CDYL: variants seen among roughly 807,000 people sequenced by gnomAD.
CDYL encodes chromodomain Y-like protein.
Under a neutral mutation model 47.3 loss-of-function variants are expected in CDYL, and 8 were observed. The observed-to-expected ratio is 0.17, with a 90% CI of 0.10 to 0.31. The LOEUF (loss-of-function observed/expected upper bound fraction) is 0.31, where lower values mean the gene tolerates loss of function less well. Ranked by LOEUF, CDYL falls within the 10% of genes least tolerant of loss-of-function variation. The pLI is 1.00. For missense variants in CDYL, 471 were observed against 701.4 expected, an observed-to-expected ratio of 0.67 and a Z score of 3.71; for synonymous variants, 266 against 265.0, an observed-to-expected ratio of 1.00 and a Z score of -0.04.
At chr6:4,773,133 G>T (rs1196421058), upstream of CDYL, 1 of 457,280 alleles carries the variant, frequency 2.2e-6, no homozygotes, top group African/African-American at 2.0e-5. This position sits in a 1 kb window ranked among gnomAD's most constrained non-coding sequence, Gnocchi z 4.6. Context: ...GATTTGAGGA[G>T]GAGAGAATTG....
intron 1 of CDYL, among the ~76,000 whole-genome samples, chr6:4,865,089 C>T (rs1422719843): frequency 6.6e-6 from 1 of 152,158 alleles, no homozygotes; most frequent in African/African-American, 2.4e-5. Flanking sequence ...ACTTTCCTGC[C>T]AGTTCTAATC....
rs4053260 is a variant in CDYL at position 4,756,580 on chromosome 6, A to ATGTGTGTGTGTGTG, written c.186+21758_186+21771dup. On this transcript the variant is annotated intron_variant, in intron 3 of 8. Coordinates refer to the CDYL transcript ENST00000328908. ...TGTAGTAATTAAAATTATCGTGTGTATGTGTGTGTGTGTGTGTGTGTGTGT... is the reference window on the plus strand; with the variant it reads ...TGTAGTAATTAAAATTATCGTGTGTATGTGTGTGTGTGTGTGTGTGTGTGTGTGTGTGTGTGTGT... Among the ~76,000 whole-genome samples, 184 of 142,918 alleles carry ATGTGTGTGTGTGTG rather than the reference A, an allele frequency of 1.3e-3. 3 individuals carry two copies. Among genetic ancestry groups the ATGTGTGTGTGTGTG allele is most frequent in the African/African-American group, 4.2e-3 (166 of 39,712 alleles). 93.8% of individuals were successfully genotyped at this position (142,918 alleles called of 152,430 possible). A position where few individuals can be genotyped will look rare whatever the true frequency, so the allele number is the denominator to read the frequency against.
chr6:4,891,586 G>T, intron 1 of CDYL, 127 bp from the exon 2 acceptor site: 1 of 711,742 alleles, frequency 1.4e-6, no homozygotes, highest in South Asian at 2.0e-5. Flanking sequence ...ATTTTATTGA[G>T]GTTGCAGAAG....
At chr6:4,731,768 C>T (rs1757609553) in intron 2 of CDYL, among the ~76,000 whole-genome samples, 2 of 151,778 alleles carry the variant, frequency 1.3e-5, no homozygotes, top group Non-Finnish European at 2.9e-5. Flanking sequence ...TTGCAGTGAG[C>T]CAACATCGCA....
intron 3 of CDYL, among the ~76,000 whole-genome samples, chr6:4,753,163 C>T (rs2127420529): frequency 6.6e-6 from 1 of 152,272 alleles, no homozygotes; most frequent in Non-Finnish European, 1.5e-5. Flanking sequence ...CTGCCCGCCT[C>T]TGCCTCCAAA....
At position 4,780,397 on chromosome 6, in the gene CDYL, C is replaced by T. The variant is rs796233820; in HGVS notation, c.24+3590C>T. On this transcript the variant is annotated intron_variant, in intron 1 of 6. Coordinates refer to ENST00000397588, the MANE Select transcript of CDYL (RefSeq NM_004824.4). Reference sequence around the variant, plus strand: ...TACAGACGTGCACCACCCCCGCCTACGCCCCCCCCCCCCCGCCCCCGCCCC... The same window carrying T: ...TACAGACGTGCACCACCCCCGCCTATGCCCCCCCCCCCCCGCCCCCGCCCC... Among the ~76,000 whole-genome samples, 38 of 28,004 alleles carry T rather than the reference C, an allele frequency of 1.4e-3. 1 individual carries two copies. The highest frequency in any genetic ancestry group is 9.5e-3 in the African/African-American group (35 of 3,678). The allele number at this position is 28,004 out of a possible 152,430, so 18.4% of individuals were successfully genotyped here.
rs187760358 is a variant in CDYL, at chr6:4,753,157, C to G, written c.186+18313C>G. On this transcript the variant is annotated intron_variant, in intron 3 of 8. Coordinates refer to the CDYL transcript ENST00000328908. ...GAACTCCTGAGCTCAAGCAATCTGC[C>G]CGCCTCTGCCTCCAAAAGTGGGGGA... 3.6e-3 allele frequency among the ~76,000 whole-genome samples: 544 copies of G among 152,240 alleles called. 4 individuals carry two copies. The highest frequency in any genetic ancestry group is 0.013 in the African/African-American group (523 of 41,548).
At chr6:4,717,340 A>T (rs1287966920) in intron 2 of CDYL, among the ~76,000 whole-genome samples, 1 of 152,104 alleles carries the variant, frequency 6.6e-6, no homozygotes, top group Non-Finnish European at 1.5e-5. Context: ...TTACCAACAG[A>T]TGTTCTGCTG....
chr6:4,950,692 G>C (rs1758671591), intron 5 of CDYL, among the ~76,000 whole-genome samples: 1 of 152,120 alleles, frequency 6.6e-6, no homozygotes, highest in African/African-American at 2.4e-5. Flanking sequence ...ACTTTGGGAG[G>C]CCCAGGCGGG....
intron 1 of CDYL, among the ~76,000 whole-genome samples, chr6:4,869,370 A>G (rs1165168504): frequency 2.0e-5 from 3 of 152,078 alleles, no homozygotes; most frequent in Non-Finnish European, 2.9e-5. Context: ...CGTTGAGACT[A>G]CAGGTGTGAG....
intron 1 of CDYL, among the ~76,000 whole-genome samples, chr6:4,844,537 T>G (rs181500462): frequency 7.9e-4 from 120 of 152,304 alleles, no homozygotes; most frequent in Non-Finnish European, 1.2e-3. Flanking sequence ...TCCGTCCGAG[T>G]GGGAGCTGCA....
chr6:4,946,288 G>A (rs977184327), intron 5 of CDYL, among the ~76,000 whole-genome samples: 30 of 152,050 alleles, frequency 2.0e-4, no homozygotes, highest in Admixed American at 1.6e-3. Context: ...CCCACCACAC[G>A]CCTCTGTCCA....
intron 2 of CDYL, among the ~76,000 whole-genome samples, chr6:4,935,041 G>T (rs1252471896): frequency 2.0e-5 from 3 of 152,240 alleles, no homozygotes; most frequent in Non-Finnish European, 4.4e-5. Flanking sequence ...ACAGCTCTAT[G>T]ACCCGCAGAG....
At chr6:4,787,280 G>A (rs762342961) in intron 1 of CDYL, among the ~76,000 whole-genome samples, 4 of 152,096 alleles carry the variant, frequency 2.6e-5, no homozygotes, top group Non-Finnish European at 4.4e-5. Flanking sequence ...AGACTGATTC[G>A]TTGTGCCCTT....
intron 3 of CDYL, among the ~76,000 whole-genome samples, chr6:4,745,465 G>A (rs975895138): frequency 6.6e-5 from 10 of 152,042 alleles, no homozygotes; most frequent in South Asian, 2.1e-4. Flanking sequence ...GGCCGGGCTC[G>A]GTAGCTCACG....
At chr6:4,756,337 A>C (rs936325279) in intron 3 of CDYL, among the ~76,000 whole-genome samples, 3 of 152,098 alleles carry the variant, frequency 2.0e-5, no homozygotes, top group Admixed American at 2.0e-4. Flanking sequence ...TGCTCTCTTC[A>C]CACTGCTTGG....
intron 2 of CDYL, among the ~76,000 whole-genome samples, chr6:4,922,486 T>C (rs1204089868): frequency 1.3e-5 from 2 of 152,238 alleles, no homozygotes; most frequent in East Asian, 3.8e-4. Context: ...GAACCAGCAG[T>C]TAAAGTGTGT....
chr6:4,852,858 G>C (rs1033793445), intron 1 of CDYL, among the ~76,000 whole-genome samples: 2 of 151,804 alleles, frequency 1.3e-5, no homozygotes, highest in Admixed American at 6.6e-5. Flanking sequence ...GAGTGCAGTG[G>C]CTTAATCACA....
chr6:4,725,151 T>C (rs561846771), intron 2 of CDYL, among the ~76,000 whole-genome samples: 2 of 152,256 alleles, frequency 1.3e-5, no homozygotes, highest in East Asian at 3.9e-4. Flanking sequence ...AGCTGATTGG[T>C]GTGTTTACAA....
Sources: gnomAD v4.1 joint callset for allele counts (sites outside exome capture counted in the v4.1 genomes callset) on GRCh38, gnomAD v4.1.1 for gene constraint, Gnocchi (gnomAD v3.1) non-coding constraint, MANE v1.5 for transcripts, NCBI Gene and HGNC (gene_info 2026-07-23, HGNC 2026-07-21) for gene names.